Variants in WDR44 observed in about 807,000 individuals in gnomAD.
WDR44 encodes WD repeat-containing protein 44.
Under a neutral mutation model 65.7 loss-of-function variants are expected in WDR44, and 9 were observed. The ratio of observed to expected loss-of-function variants is 0.14; its 90% CI spans 0.08 to 0.24. The LOEUF (loss-of-function observed/expected upper bound fraction) is 0.24, where lower values mean the gene tolerates loss of function less well. WDR44 is among the 10% of genes least tolerant of loss of function. WDR44 has a pLI of 1.00. For missense variants in WDR44, 425 were observed against 670.9 expected (o/e 0.63, Z 4.05); for synonymous variants, 220 against 235.2 (o/e 0.94, Z 0.59).
rs1289349202 is a variant in WDR44 at position 118,424,323 on chromosome X, G to GTGTGTATATATATA, written c.1738-8457_1738-8456insGTGTATATATATAT. On this transcript the variant is annotated intron_variant, in intron 12 of 19. Coordinates refer to ENST00000254029, the MANE Select transcript of WDR44 (RefSeq NM_019045.5). ...TGTATATATATATATGTGTGTGTGT[G>GTGTGTATATATATA]TATATATATATATATATATATATAT... 1.5e-3 allele frequency among the ~76,000 whole-genome samples: 97 copies of GTGTGTATATATATA among 65,547 alleles called. 2 individuals are homozygous for GTGTGTATATATATA. Among genetic ancestry groups the GTGTGTATATATATA allele is most frequent in the African/African-American group, 8.4e-3 (85 of 10,088 alleles). 56.9% of individuals were successfully genotyped at this position (65,547 alleles called of 115,157 possible).
At chrX:118,421,236 C>CT (rs1446620233) in intron 12 of WDR44, among the ~76,000 whole-genome samples, 1 of 112,139 alleles carries the variant, frequency 8.9e-6, no homozygotes, top group Non-Finnish European at 1.9e-5. Context: ...AAAATAGAGA[C>CT]TATCTGTAGT....
At chrX:118,369,654 G>C (rs967143370) in intron 1 of WDR44, among the ~76,000 whole-genome samples, 2 of 107,440 alleles carry the variant, frequency 1.9e-5, no homozygotes, top group African/African-American at 6.8e-5. Flanking sequence ...ATTTTTAGTA[G>C]AGATGGGGTT....
intron 3 of WDR44, among the ~76,000 whole-genome samples, chrX:118,390,268 A>G (rs140147554): frequency 3.4e-4 from 37 of 110,086 alleles, no homozygotes; most frequent in African/African-American, 1.1e-3. Context: ...AATCATCTCT[A>G]TGTGTGTCTT....
chrX:118,443,320 C>T (rs2057318037), intron 17 of WDR44, among the ~76,000 whole-genome samples: 1 of 111,440 alleles, frequency 9.0e-6, no homozygotes, highest in African/African-American at 3.3e-5. Context: ...CATCATTCCT[C>T]CCAACGTGGA....
chrX:118,370,372 C>A (rs1415367607), intron 1 of WDR44, among the ~76,000 whole-genome samples: 1 of 110,832 alleles, frequency 9.0e-6, no homozygotes, highest in East Asian at 2.8e-4. Flanking sequence ...TGTCTTGGTG[C>A]TGTCCTCACG....
intron 8 of WDR44, among the ~76,000 whole-genome samples, chrX:118,402,942 T>G (rs759178587): frequency 1.1e-4 from 12 of 111,812 alleles, no homozygotes; most frequent in African/African-American, 3.6e-4. Context: ...GGGTATACGT[T>G]CCAAGATCCC....
At position 118,442,249 on chromosome X, in the gene WDR44, G is replaced by A. The variant is rs892002258; in HGVS notation, c.2172G>A (p.Leu724=). Residue 724 remains leucine (L), a synonymous_variant, in exon 16 of 20, where the codon TTG becomes TTA. Coordinates refer to ENST00000254029, the MANE Select transcript of WDR44 (RefSeq NM_019045.5). ...GRCIFYDTEH[L]KYHTQIHVRS... ...AATGTATGGTTTATTTTTAGCATTT[G>A]AAATACCATACACAAATACATGTCC... The A allele has an allele frequency of 3.9e-5, 47 of 1,201,064 alleles. No individual in the cohort carries two copies. In the Admixed American group the frequency reaches 6.6e-4, roughly 17 times the overall value.
At chrX:118,406,257 A>G (rs1413104072) in intron 9 of WDR44, among the ~76,000 whole-genome samples, 3 of 111,048 alleles carry the variant, frequency 2.7e-5, no homozygotes, top group Non-Finnish European at 5.7e-5. Context: ...GATACTGGGG[A>G]ATAACTGTAT....
At chrX:118,422,247 T>C (rs1013605845) in intron 12 of WDR44, among the ~76,000 whole-genome samples, 2 of 108,066 alleles carry the variant, frequency 1.9e-5, no homozygotes, top group Non-Finnish European at 3.8e-5. Flanking sequence ...AAAAAAAATA[T>C]ATAGCCAAGC....
intron 10 of WDR44, 71 bp downstream of exon 10, chrX:118,407,097 CTA>C (rs937665289): frequency 9.8e-5 from 101 of 1,025,635 alleles, no homozygotes; most frequent in Non-Finnish European, 1.3e-4. Flanking sequence ...TTCTACAAAA[CTA>C]TCTCTTTCTA....
chrX:118,346,549 G>A lies in WDR44; in HGVS notation c.46G>A (p.Asp16Asn). ...CGAGGAATTCTATGATGCCCCTGAA[G>A]ATGTGCACCTAGGGGGCGGCTACCC... ...DTEEFYDAPE[D>N]VHLGGGYPVG... The change falls in exon 1 of 20, where the codon GAT (aspartate) becomes AAT (asparagine). Residue 16 changes from aspartate (D) to asparagine (N), a missense_variant. By Grantham distance (23) the Asp-to-Asn change is conservative. This residue lies in a region of WDR44 where 193 missense variants were observed against 209.0 expected (regional missense o/e 0.92). Transcript: ENST00000254029. 1 of 1,201,598 alleles carries A rather than the reference G, an allele frequency of 8.3e-7. No individual in the cohort carries two copies. Among genetic ancestry groups the A allele is most frequent in the East Asian group, 3.0e-5 (1 of 32,798 alleles).
chrX:118,386,649 TAAC>T (rs1350163895), intron 2 of WDR44, among the ~76,000 whole-genome samples: 1 of 111,613 alleles, frequency 9.0e-6, no homozygotes, highest in Non-Finnish European at 1.9e-5. Flanking sequence ...TTGGGGAAAA[TAAC>T]AATTTTTATT....
intron 2 of WDR44, among the ~76,000 whole-genome samples, chrX:118,384,655 A>G (rs1281898642): frequency 1.8e-5 from 2 of 111,852 alleles, no homozygotes; most frequent in Admixed American, 9.5e-5. Flanking sequence ...TGCCTTGGCT[A>G]TTCAGGCTCT....
At chrX:118,366,206 G>A (rs748140962) in intron 1 of WDR44, among the ~76,000 whole-genome samples, 7 of 111,460 alleles carry the variant, frequency 6.3e-5, no homozygotes, top group Non-Finnish European at 1.1e-4. Flanking sequence ...TTATAATAAC[G>A]TATACTTATC....
chrX:118,411,409 A>G (rs1385720853), intron 12 of WDR44, among the ~76,000 whole-genome samples: 1 of 112,216 alleles, frequency 8.9e-6, no homozygotes, highest in Admixed American at 9.5e-5. Context: ...GGAAGGTTAA[A>G]TATAACCAAT....
rs761667303 is a variant in WDR44, at chrX:118,404,769, C to T, written c.1381+325C>T. The stretch of plus-strand genomic sequence containing the variant: ...AGGCTGGAGTGCAGTGGCGCGATCT[C>T]GGCTCACTGCAAGCTCCACCTCCCA... On this transcript the variant is annotated intron_variant, in intron 9 of 19. Coordinates refer to ENST00000254029, the MANE Select transcript of WDR44 (RefSeq NM_019045.5). 5.4e-5 allele frequency among the ~76,000 whole-genome samples: 6 copies of T among 111,323 alleles called. No individual in the cohort carries two copies. In the South Asian group the frequency reaches 2.2e-3, roughly 42 times the overall value.
rs2057024783 is a variant in WDR44, at chrX:118,413,030, C to T, written c.1737+2071C>T. On this transcript the variant is annotated intron_variant, in intron 12 of 19. Coordinates refer to ENST00000254029, the MANE Select transcript of WDR44 (RefSeq NM_019045.5). ...TTGCTGCAAATGCTGTTAATTCATTCCTTTTTATGGCTGAGTAGTATTCCA... is the reference window on the plus strand; with the variant it reads ...TTGCTGCAAATGCTGTTAATTCATTTCTTTTTATGGCTGAGTAGTATTCCA... Among the ~76,000 whole-genome samples the T allele has an allele frequency of 2.7e-5, 3 of 112,472 alleles. No individual in the cohort carries two copies. In the Admixed American group the frequency reaches 2.8e-4, roughly 11 times the overall value.
chrX:118,448,941 C>T lies in WDR44; in HGVS notation c.2696C>T (p.Thr899Ile). The T allele has an allele frequency of 8.3e-7, 1 of 1,199,949 alleles. No homozygotes were observed. The highest frequency in any genetic ancestry group is 1.1e-6 in the Non-Finnish European group (1 of 888,877). Reference protein sequence around the residue: ...NTEVLLSADFTGAIKVFVNKR... With the variant: ...NTEVLLSADFIGAIKVFVNKR... ...GAAGTTCTTCTCTCTGCTGACTTCA[C>T]TGGAGCAATCAAAGTGTTTGTTAAT... Residue 899 changes from threonine to isoleucine, a missense_variant, in exon 20 of 20, where the codon ACT (threonine) becomes ATT (isoleucine). Thr to Ile is a moderately conservative substitution (Grantham distance 89). Around this residue, in one of 5 missense-constraint regions of WDR44, gnomAD observed 37 missense variants for 40.9 expected, o/e 0.90. Coordinates refer to ENST00000254029, the MANE Select transcript of WDR44 (RefSeq NM_019045.5).
At chrX:118,408,237 A>C (rs17271460) in intron 10 of WDR44, among the ~76,000 whole-genome samples, 2 of 110,321 alleles carry the variant, frequency 1.8e-5, no homozygotes, top group African/African-American at 6.6e-5. Context: ...GGTCTTTCCA[A>C]CTTAAGAGGT....
Sources: allele counts gnomAD v4.1 joint callset (sites outside exome capture counted in the v4.1 genomes callset), GRCh38; gene constraint gnomAD v4.1.1; regional missense constraint gnomAD v4.1.1; transcripts MANE v1.5; gene names NCBI Gene and HGNC (gene_info 2026-07-23, HGNC 2026-07-21).